The following KCMF1 variants were observed in gnomAD, a reference collection of about 807,000 sequenced individuals.
KCMF1 encodes the protein E3 ubiquitin-protein ligase KCMF1.
KCMF1 carries 3 observed loss-of-function variants against 41.1 expected under a neutral mutation model. That is an observed-to-expected ratio of 0.07 (90% confidence interval 0.03 to 0.19). The LOEUF (loss-of-function observed/expected upper bound fraction) is 0.19. KCMF1 is among the 10% of genes least tolerant of loss of function. KCMF1 has a pLI of 1.00. For synonymous variants in KCMF1, 142 were observed against 164.5 expected, an observed-to-expected ratio of 0.86 and a Z score of 1.04; for missense variants, 286 against 488.9, an observed-to-expected ratio of 0.58 and a Z score of 3.91.
At chr2:84,984,904 G>A (rs559961122) in intron 1 of KCMF1, among the ~76,000 whole-genome samples, 7 of 152,084 alleles carry the variant, frequency 4.6e-5, no homozygotes, top group South Asian at 2.1e-4. Flanking sequence ...GCCCAGGATG[G>A]CCTCGAACTC....
chr2:85,014,343 G>A (rs1054686843), intron 1 of KCMF1, among the ~76,000 whole-genome samples: 3 of 152,048 alleles, frequency 2.0e-5, no homozygotes, highest in Admixed American at 1.3e-4. Context: ...ATCTACTTCT[G>A]GGGAAAAAAG....
chr2:85,021,061 C>T (rs111348634), intron 1 of KCMF1, among the ~76,000 whole-genome samples: 40 of 152,082 alleles, frequency 2.6e-4, no homozygotes, highest in Admixed American at 2.2e-3. Context: ...CTTGTCTTCA[C>T]GCACTAAATG....
intron 1 of KCMF1, among the ~76,000 whole-genome samples, chr2:85,011,979 GAGACCCATTTCCT>G (rs1451855088): frequency 6.6e-6 from 1 of 152,190 alleles, no homozygotes; most frequent in Non-Finnish European, 1.5e-5. Context: ...GCCACTGGTT[GAGACCCATTTCCT>G]AGACCCAGCA....
chr2:85,018,439 TTTGTA>T, intron 1 of KCMF1, among the ~76,000 whole-genome samples: 1 of 151,962 alleles, frequency 6.6e-6, no homozygotes, highest in Non-Finnish European at 1.5e-5. Flanking sequence ...CAGGCTAATT[TTTGTA>T]TATTTAGTAG....
chr2:84,975,945 C>CA (rs2103959323), intron 1 of KCMF1, among the ~76,000 whole-genome samples: 1 of 152,306 alleles, frequency 6.6e-6, no homozygotes, highest in East Asian at 1.9e-4. Context: ...TTCAACCTTT[C>CA]AGTCACTACT....
At chr2:85,048,444 G>T in intron 5 of KCMF1, among the ~76,000 whole-genome samples, 1 of 152,090 alleles carries the variant, frequency 6.6e-6, no homozygotes, top group Non-Finnish European at 1.5e-5. Context: ...TGAAAGAGTG[G>T]TATAAGAGTG....
intron 1 of KCMF1, among the ~76,000 whole-genome samples, chr2:85,015,512 G>A (rs1027609942): frequency 2.0e-5 from 3 of 152,022 alleles, no homozygotes; most frequent in Non-Finnish European, 4.4e-5. Flanking sequence ...TTCAGAACAG[G>A]GATGCATTTC....
At chr2:84,981,229 G>C (rs756556960) in intron 1 of KCMF1, among the ~76,000 whole-genome samples, 50 of 144,724 alleles carry the variant, frequency 3.5e-4, no homozygotes, top group Admixed American at 7.0e-4. Context: ...TCACTCTGTT[G>C]CCCAGGCTGG....
At chr2:85,021,458 CTA>C (rs1674936997) in intron 1 of KCMF1, among the ~76,000 whole-genome samples, 1 of 152,072 alleles carries the variant, frequency 6.6e-6, no homozygotes, top group Admixed American at 6.6e-5. Context: ...CCTGTCTCTA[CTA>C]AAAGTACAAA....
chr2:84,994,545 A>G (rs748102492), intron 1 of KCMF1, among the ~76,000 whole-genome samples: 4 of 152,164 alleles, frequency 2.6e-5, no homozygotes, highest in Non-Finnish European at 5.9e-5. Context: ...CTGGGTTTAC[A>G]GGCATGCGCC....
At chr2:85,027,828 A>G in intron 1 of KCMF1, 61 bp from the exon 2 acceptor site, 2 of 1,049,930 alleles carry the variant, frequency 1.9e-6, no homozygotes, top group South Asian at 3.2e-5. Context: ...AAACATTCAT[A>G]AAAATGAAAT....
intron 1 of KCMF1, among the ~76,000 whole-genome samples, chr2:84,984,890 T>G (rs1309540323): frequency 2.6e-5 from 4 of 152,132 alleles, no homozygotes; most frequent in African/African-American, 9.6e-5. Flanking sequence ...GGCCTCACTA[T>G]GTTGCCCAGG....
chr2:85,020,369 C>G (rs1361091910), intron 1 of KCMF1, among the ~76,000 whole-genome samples: 1 of 152,172 alleles, frequency 6.6e-6, no homozygotes, highest in Non-Finnish European at 1.5e-5. Flanking sequence ...TCATAGGTAT[C>G]TCCCCCCATT....
intron 1 of KCMF1, among the ~76,000 whole-genome samples, chr2:84,993,537 T>A (rs1275319652): frequency 6.6e-6 from 1 of 151,112 alleles, no homozygotes; most frequent in Non-Finnish European, 1.5e-5. Context: ...TTTGGTCAAT[T>A]CTCTACCCCC....
At chr2:85,014,888 G>T (rs902435708) in intron 1 of KCMF1, among the ~76,000 whole-genome samples, 2 of 151,372 alleles carry the variant, frequency 1.3e-5, no homozygotes, top group East Asian at 1.9e-4. Context: ...CCACCCTATT[G>T]CATGTTAAAA....
intron 1 of KCMF1, among the ~76,000 whole-genome samples, chr2:84,996,430 A>ATTTTCTTTTTTT (rs1674176795): frequency 8.1e-6 from 1 of 124,062 alleles, no homozygotes; most frequent in African/African-American, 3.3e-5. Context: ...ATAACCTAAG[A>ATTTTCTTTTTTT]TTTTTTTTTT....
intron 3 of KCMF1, among the ~76,000 whole-genome samples, chr2:85,037,528 T>G (rs539996645): frequency 7.2e-5 from 11 of 152,336 alleles, no homozygotes; most frequent in Admixed American, 7.2e-4. Flanking sequence ...TCCAGTGTGC[T>G]ACAGTTATAT....
At chr2:84,992,942 C>G (rs1674079351) in intron 1 of KCMF1, among the ~76,000 whole-genome samples, 3 of 152,100 alleles carry the variant, frequency 2.0e-5, no homozygotes, top group African/African-American at 7.2e-5. Flanking sequence ...GTGTATAATC[C>G]CAGCACTTTG....
chr2:85,046,581 G>A (rs981398439), intron 5 of KCMF1, among the ~76,000 whole-genome samples: 1 of 149,934 alleles, frequency 6.7e-6, no homozygotes, highest in Non-Finnish European at 1.5e-5. Flanking sequence ...AGGGAGCCGA[G>A]ATCGCACCAC....
Sources: allele counts gnomAD v4.1 joint callset (sites outside exome capture counted in the v4.1 genomes callset), GRCh38; gene constraint gnomAD v4.1.1; transcripts MANE v1.5; gene names NCBI Gene and HGNC (gene_info 2026-07-23, HGNC 2026-07-21).